Variants in INO80 observed in about 807,000 individuals in gnomAD.
INO80 encodes chromatin-remodeling ATPase INO80.
Under a neutral mutation model 203.4 loss-of-function variants are expected in INO80, and 20 were observed. The ratio of observed to expected loss-of-function variants is 0.10; its 90% confidence interval spans 0.07 to 0.14. INO80 has a LOEUF of 0.14. Among genes scored for constraint, INO80 ranks in the 10% least tolerant of loss-of-function variants. INO80 has a pLI of 1.00. For missense variants in INO80, 1,419 were observed against 1,914.4 expected, an observed-to-expected ratio of 0.74 and a Z score of 4.83; for synonymous variants, 726 against 685.2, an observed-to-expected ratio of 1.06 and a Z score of -0.93.
At position 41,042,602 on chromosome 15, in the gene INO80, T is replaced by C. The variant is rs555185551; in HGVS notation, c.2907+2302A>G. Reference sequence around the variant, plus strand: ...GTTTCTCATGCCTCAGCCTCCCGAGTAGCTGGGATTACAGGCGTGTGCCAC... The same window carrying C: ...GTTTCTCATGCCTCAGCCTCCCGAGCAGCTGGGATTACAGGCGTGTGCCAC... On this transcript the variant is annotated intron_variant, in intron 24 of 35. Coordinates refer to ENST00000648947, the MANE Select transcript of INO80 (RefSeq NM_017553.3). Among the ~76,000 whole-genome samples the C allele has an allele frequency of 2.6e-5, 4 of 152,152 alleles. No homozygotes were observed. In the South Asian group the frequency reaches 6.2e-4, roughly 24 times the overall value.
chr15:41,099,264 A>AC (rs2045770907), intron 1 of INO80, among the ~76,000 whole-genome samples: 3 of 128,124 alleles, frequency 2.3e-5, no homozygotes, highest in Non-Finnish European at 5.1e-5. Context: ...AAAAAAAAAA[A>AC]AAACAAACAC....
In INO80 at chr15:41,069,615, A is replaced by C. The variant is rs774435456; in HGVS notation, c.1737T>G (p.Leu579=). 192 of 1,611,932 alleles carry C rather than the reference A, an allele frequency of 1.2e-4. No homozygotes were observed. The highest frequency in any genetic ancestry group is 1.5e-4 in the Non-Finnish European group (174 of 1,178,788). The change falls in exon 14 of 36, where the codon CTT becomes CTG. Residue 579 remains leucine, a synonymous_variant. Coordinates refer to ENST00000648947, the MANE Select transcript of INO80 (RefSeq NM_017553.3). ...PFLIISPAST[L]NNWHQEFTRF... Reference sequence around the variant, plus strand: ...TAGTAAACTCCTGGTGCCAATTGTTAAGTGTAGACGCAGGTGAAATTATTA... The same window carrying C: ...TAGTAAACTCCTGGTGCCAATTGTTCAGTGTAGACGCAGGTGAAATTATTA...
At chr15:40,987,288 CA>C in intron 30 of INO80, 95 bp from the exon 31 acceptor site, 1 of 692,116 alleles carries the variant, frequency 1.4e-6, no homozygotes, top group Non-Finnish European at 2.5e-6. Flanking sequence ...ACCCACTCCT[CA>C]GGGGAGGCCT....
chr15:41,025,689 T>C (rs1320973164), intron 25 of INO80, among the ~76,000 whole-genome samples: 1 of 152,110 alleles, frequency 6.6e-6, no homozygotes, highest in African/African-American at 2.4e-5. Flanking sequence ...CACTCCAGCC[T>C]GGGTGAGAGA....
chr15:41,012,368 A>G (rs2044143855), intron 27 of INO80, among the ~76,000 whole-genome samples: 1 of 151,954 alleles, frequency 6.6e-6, no homozygotes, highest in Non-Finnish European at 1.5e-5. Flanking sequence ...GGAGTTTGAG[A>G]CCAGCCTGGC....
chr15:41,085,559 T>G lies in INO80; in HGVS notation c.683A>C (p.Lys228Thr). The G allele has an allele frequency of 6.2e-7, 1 of 1,614,060 alleles. No homozygotes were observed. Among genetic ancestry groups the G allele is most frequent in the Non-Finnish European group, 8.5e-7 (1 of 1,179,998 alleles). Residue 228 changes from lysine to threonine, a missense_variant, in exon 7 of 36, where the codon AAA becomes ACA. By Grantham distance (78) the Lys-to-Thr change is moderately conservative. Coordinates refer to ENST00000648947, the MANE Select transcript of INO80 (RefSeq NM_017553.3). Reference protein sequence around the residue: ...LKAKLKKVKKKRRRDEELSSE... With the variant: ...LKAKLKKVKKTRRRDEELSSE... ...GGAAAGTTCTTCATCTCTTCGTCTT[T>G]TTTTCTTCACTTTTTTCAACTTAGC... is the stretch of plus-strand genomic sequence containing the variant.
intron 4 of INO80, among the ~76,000 whole-genome samples, chr15:41,095,314 T>C (rs1271946809): frequency 6.6e-6 from 1 of 152,186 alleles, no homozygotes; most frequent in Non-Finnish European, 1.5e-5. Context: ...GCACTCCAGC[T>C]TGGGCAACAA....
At chr15:41,090,404 C>T (rs929926406) in intron 5 of INO80, among the ~76,000 whole-genome samples, 4 of 151,980 alleles carry the variant, frequency 2.6e-5, no homozygotes, top group Non-Finnish European at 5.9e-5. Context: ...GGTGAAAACC[C>T]GTCTTTACTA....
intron 29 of INO80, among the ~76,000 whole-genome samples, chr15:40,991,780 CT>C (rs889459469): frequency 3.2e-4 from 47 of 145,870 alleles, no homozygotes; most frequent in South Asian, 1.3e-3. Flanking sequence ...AAATTTCTTT[CT>C]TTTTTTTTTT....
chr15:41,041,013 A>C (rs939738734), intron 24 of INO80, among the ~76,000 whole-genome samples: 5 of 152,228 alleles, frequency 3.3e-5, no homozygotes, highest in African/African-American at 1.2e-4. Context: ...AACTAAAGAC[A>C]TAATAAGACA....
At chr15:40,993,077 G>C (rs1451561840) in intron 29 of INO80, among the ~76,000 whole-genome samples, 1 of 152,186 alleles carries the variant, frequency 6.6e-6, no homozygotes, top group Non-Finnish European at 1.5e-5. Context: ...TTACAGGCAT[G>C]AGCCACCATG....
At chr15:40,992,003 C>T (rs1053330086) in intron 29 of INO80, among the ~76,000 whole-genome samples, 1 of 152,128 alleles carries the variant, frequency 6.6e-6, no homozygotes, top group Non-Finnish European at 1.5e-5. Flanking sequence ...GTCTCGATCT[C>T]CTGACCTCGT....
chr15:40,987,024 A>G, intron 31 of INO80, 67 bp downstream of exon 31: 1 of 906,826 alleles, frequency 1.1e-6, no homozygotes, highest in Non-Finnish European at 1.8e-6. Context: ...TACCCTTGGC[A>G]CACAGCCAAG....
intron 10 of INO80, among the ~76,000 whole-genome samples, chr15:41,073,987 C>T (rs1455070082): frequency 6.6e-6 from 1 of 152,124 alleles, no homozygotes; most frequent in Admixed American, 6.6e-5. Context: ...CTTGTGATCA[C>T]ATAAAGACAA....
intron 4 of INO80, among the ~76,000 whole-genome samples, chr15:41,094,218 A>G (rs902355188): frequency 5.3e-5 from 8 of 152,348 alleles, no homozygotes; most frequent in Non-Finnish European, 7.3e-5. Flanking sequence ...TACGACAGTA[A>G]AACACGAACT....
At chr15:41,004,440 G>C (rs1433156770) in intron 28 of INO80, 1 of 152,212 alleles carries the variant, frequency 6.6e-6, no homozygotes, top group African/African-American at 2.4e-5. Flanking sequence ...GAATTCAGAA[G>C]TGAAATATTA....
rs369185302 is a variant in INO80 at position 41,036,156 on chromosome 15, GAAAAA to G, written c.2908-8425_2908-8421del. Among the ~76,000 whole-genome samples the G allele has an allele frequency of 0.01, 322 of 32,090 alleles. No homozygotes were observed. In the South Asian group the frequency reaches 0.11, roughly 11 times the overall value. 21.1% of individuals were successfully genotyped at this position (32,090 alleles called of 152,430 possible). A position where few individuals can be genotyped will look rare whatever the true frequency, so the allele number is the denominator to read the frequency against. ...GGGCAACAGAGTGCAACTCTCTCTCGAAAAAAAAAAAAAAAAAAAAAAAAAAAAAC... is the reference window on the plus strand; with the variant it reads ...GGGCAACAGAGTGCAACTCTCTCTCGAAAAAAAAAAAAAAAAAAAAAAAAC... On this transcript the variant is annotated intron_variant, in intron 24 of 35. Transcript: ENST00000648947.
At chr15:41,108,592 AAAAAAAAAAAAAAAAAAAGG>A (rs2045916137) in intron 1 of INO80, among the ~76,000 whole-genome samples, 1 of 124,852 alleles carries the variant, frequency 8.0e-6, no homozygotes, top group Non-Finnish European at 1.7e-5. Flanking sequence ...ACTCCGTCTC[AAAAAAAAAAAAAAAAAAAGG>A]AAAAAAAGAA....
Position 41,079,687 on chromosome 15 carries a change from T to C in INO80, c.1131+14A>G, listed in dbSNP as rs200536107. On this transcript the variant is annotated intron_variant, in intron 9 of 35. Coordinates refer to ENST00000648947, the MANE Select transcript of INO80 (RefSeq NM_017553.3). The stretch of plus-strand genomic sequence containing the variant: ...AGTAATTAGGGTTTTCAAAATGTTA[T>C]GCTTTTGCCCTACCTCCCGCATTTC... 349 of 1,613,254 alleles carry C rather than the reference T, an allele frequency of 2.2e-4. No individual in the cohort carries two copies. The highest frequency in any genetic ancestry group is 2.8e-4 in the Non-Finnish European group (334 of 1,179,240).
Sources: gnomAD v4.1 joint callset for allele counts (sites outside exome capture counted in the v4.1 genomes callset) on GRCh38, gnomAD v4.1.1 for gene constraint, MANE v1.5 for transcripts, NCBI Gene and HGNC (gene_info 2026-07-23, HGNC 2026-07-21) for gene names.